Variants in PCDHGA6 observed in about 807,000 individuals in gnomAD.
PCDHGA6 encodes protocadherin gamma subfamily A, 6.
In PCDHGA6, 41 loss-of-function variants were observed where a neutral mutation model predicts 60.6. The ratio of observed to expected loss-of-function variants is 0.68; its 90% CI spans 0.53 to 0.88. The LOEUF (loss-of-function observed/expected upper bound fraction) is 0.88. Among genes scored for constraint, PCDHGA6 ranks in the 40% least tolerant of loss-of-function variants. The probability of loss-of-function intolerance (pLI) is 0.00; values close to 1 mark genes in which losing one functional copy is unlikely to be tolerated. For missense variants in PCDHGA6, 1,312 were observed against 1,203.0 expected, an observed-to-expected ratio of 1.09 and a Z score of -1.34; for synonymous variants, 594 against 524.4, an observed-to-expected ratio of 1.13 and a Z score of -1.81.
rs774682943 is a variant in PCDHGA6 at position 141,493,841 on chromosome 5, T to G, written c.2425-966T>G. Among the ~76,000 whole-genome samples the G allele has an allele frequency of 3.3e-5, 5 of 152,024 alleles. No homozygotes were observed. Among genetic ancestry groups the G allele is most frequent in the Non-Finnish European group, 7.4e-5 (5 of 68,010 alleles). On this transcript the variant is annotated intron_variant, in intron 1 of 3. Transcript: ENST00000517434. This position sits in a 1 kb window ranked among gnomAD's most constrained non-coding sequence, Gnocchi z 4.3. The stretch of plus-strand genomic sequence containing the variant: ...CTCTGCTTCTGGGAGCAAGTATGAG[T>G]ATTAATTACCAGCCCACCCCAGAAC...
chr5:141,408,568 G>A (rs1282391205), intron 1 of PCDHGA6: 2 of 1,613,936 alleles, frequency 1.2e-6, no homozygotes, highest in African/African-American at 2.7e-5. Flanking sequence ...TCATTGTGGT[G>A]ATTGAGGATG....
chr5:141,445,786 C>A (rs1189294394), intron 1 of PCDHGA6, among the ~76,000 whole-genome samples: 2 of 152,018 alleles, frequency 1.3e-5, no homozygotes, highest in Non-Finnish European at 2.9e-5. Flanking sequence ...GCTAGGGAGG[C>A]TAGAAACAGA....
intron 1 of PCDHGA6, among the ~76,000 whole-genome samples, chr5:141,457,755 A>G (rs1011599369): frequency 2.0e-5 from 3 of 152,226 alleles, no homozygotes; most frequent in African/African-American, 4.8e-5. Flanking sequence ...GAGCCCAGAC[A>G]TGGGTTTGTA....
intron 1 of PCDHGA6, chr5:141,413,714 A>T: frequency 6.2e-7 from 1 of 1,613,586 alleles, no homozygotes; most frequent in Non-Finnish European, 8.5e-7. Flanking sequence ...AGCCCCAATA[A>T]GCACTTCTCC....
At chr5:141,434,427 G>A (rs2097693282) in intron 1 of PCDHGA6, among the ~76,000 whole-genome samples, 1 of 152,216 alleles carries the variant, frequency 6.6e-6, no homozygotes, top group African/African-American at 2.4e-5. Context: ...GTTCATGATG[G>A]CCGTAATGCC....
At chr5:141,398,075 A>T in intron 1 of PCDHGA6, 1 of 1,592,106 alleles carries the variant, frequency 6.3e-7, no homozygotes, top group Non-Finnish European at 8.6e-7. Flanking sequence ...TACAGAGGTT[A>T]TTTGTAACCT....
Position 141,491,422 on chromosome 5 carries a change from G to A in PCDHGA6, c.2425-3385G>A. 1 of 1,614,112 alleles carries A rather than the reference G, an allele frequency of 6.2e-7. No individual in the cohort carries two copies. Among genetic ancestry groups the A allele is most frequent in the East Asian group, 2.2e-5 (1 of 44,874 alleles). On this transcript the variant is annotated intron_variant, in intron 1 of 3. Coordinates refer to ENST00000517434, the MANE Select transcript of PCDHGA6 (RefSeq NM_018919.3). The surrounding 1 kb of genome is among the most constrained non-coding windows in gnomAD (Gnocchi z 6.9). The stretch of plus-strand genomic sequence containing the variant: ...AAACGCAGACGGGGACGGGGGTGGA[G>A]GGCAGTGCTGCAGGCGCCAGGACTC...
At chr5:141,414,300 G>T in intron 1 of PCDHGA6, 7 of 1,613,560 alleles carry the variant, frequency 4.3e-6, no homozygotes, top group Non-Finnish European at 5.9e-6. Context: ...TTTTAAATGT[G>T]CATGATTTAG....
rs553860713 is a variant in PCDHGA6, at chr5:141,410,124, G to C, written c.2424+33617G>C. On this transcript the variant is annotated intron_variant, in intron 1 of 3. Coordinates refer to ENST00000517434, the MANE Select transcript of PCDHGA6 (RefSeq NM_018919.3). ...GGCGACAGGGACGCAGCCCGCCAGC[G>C]CCTGCTGGTCGCTGTGCGTGACGGT... is the stretch of plus-strand genomic sequence containing the variant. 1.2e-5 allele frequency: 20 copies of C among 1,612,726 alleles called. No homozygotes were observed. In the South Asian group the frequency reaches 2.2e-4, roughly 18 times the overall value.
At position 141,511,005 on chromosome 5, in the gene PCDHGA6, C is replaced by T; in HGVS notation, c.2631C>T (p.Ala877=). ...GGGAGTMGLS[A]RYGPQFTLQH... The stretch of plus-strand genomic sequence containing the variant: ...GTGCCGGCACCATGGGATTGAGCGC[C>T]CGCTACGGACCCCAGTTCACCCTGC... Residue 877 remains alanine, a synonymous_variant, in exon 4 of 4, where the codon GCC becomes GCT. Coordinates refer to ENST00000517434, the MANE Select transcript of PCDHGA6 (RefSeq NM_018919.3). The T allele has an allele frequency of 6.2e-7, 1 of 1,614,176 alleles. No individual in the cohort carries two copies.
intron 1 of PCDHGA6, among the ~76,000 whole-genome samples, chr5:141,436,150 T>A (rs1270913305): frequency 6.6e-6 from 1 of 152,182 alleles, no homozygotes; most frequent in African/African-American, 2.4e-5. Flanking sequence ...ACTACCAAAA[T>A]GTTTATCATA....
At chr5:141,390,217 T>C (rs373008153) in intron 1 of PCDHGA6, 21 of 1,613,944 alleles carry the variant, frequency 1.3e-5, no homozygotes, top group Non-Finnish European at 1.8e-5. Flanking sequence ...CAAGACATAC[T>C]TTGCGGTGAT....
At chr5:141,394,840 G>GCA (rs2093111243) in intron 1 of PCDHGA6, 1 of 1,613,834 alleles carries the variant, frequency 6.2e-7, no homozygotes. Flanking sequence ...ACCGAGTTGG[G>GCA]CAGTCTGAAG....
chr5:141,376,711 G>A lies in PCDHGA6; in HGVS notation c.2424+204G>A, dbSNP rs1369731526. 2.9e-5 allele frequency: 18 copies of A among 622,360 alleles called. No homozygotes were observed. The South Asian group carries it at 3.6e-4, about 12-fold the overall frequency. 38.6% of individuals were successfully genotyped at this position (622,360 alleles called of 1,614,324 possible). On this transcript the variant is annotated intron_variant, in intron 1 of 3. Coordinates refer to ENST00000517434, the MANE Select transcript of PCDHGA6 (RefSeq NM_018919.3). ...TTTTTTTTTTTTGAGACGGAGTCTC[G>A]CTCTGTCGCCCAGGCCGGACTGCGG...
At chr5:141,383,064 G>A (rs1384491005) in intron 1 of PCDHGA6, 1 of 1,613,928 alleles carries the variant, frequency 6.2e-7, no homozygotes, top group Non-Finnish European at 8.5e-7. Flanking sequence ...TGGGGCTGGA[G>A]CCCCGGGAGC....
At position 141,489,886 on chromosome 5, in the gene PCDHGA6, G is replaced by A; in HGVS notation, c.2425-4921G>A. ...ACATCAGCTGGTGCTTACTGCTGTG[G>A]ATGGGGGGACCCCAGCCCGCTCAGG... is the stretch of plus-strand genomic sequence containing the variant. On this transcript the variant is annotated intron_variant, in intron 1 of 3. Transcript: ENST00000517434. This position sits in a 1 kb window ranked among gnomAD's most constrained non-coding sequence, Gnocchi z 4.5. 6.2e-7 allele frequency: 1 copy of A among 1,614,256 alleles called. No individual in the cohort carries two copies. The highest frequency in any genetic ancestry group is 8.5e-7 in the Non-Finnish European group (1 of 1,180,044).
intron 1 of PCDHGA6, among the ~76,000 whole-genome samples, chr5:141,469,522 C>T (rs1409427974): frequency 2.6e-5 from 4 of 152,088 alleles, no homozygotes; most frequent in African/African-American, 9.7e-5. Flanking sequence ...TTGCAGTGAG[C>T]CAAGATTGTG....
In PCDHGA6 at chr5:141,389,615, G is replaced by A. The variant is rs552257647; in HGVS notation, c.2424+13108G>A. 11 of 1,612,972 alleles carry A rather than the reference G, an allele frequency of 6.8e-6. No individual in the cohort carries two copies. The African/African-American group carries it at 8.0e-5, about 12-fold the overall frequency. On this transcript the variant is annotated intron_variant, in intron 1 of 3. Transcript: ENST00000517434. ...GCTCTGCGCTCTTCGATATGGTGCC[G>A]CACGCTGCAGAGCCTGGCTACTTGG...
intron 1 of PCDHGA6, among the ~76,000 whole-genome samples, chr5:141,451,090 A>G (rs2098706546): frequency 6.6e-6 from 1 of 151,864 alleles, no homozygotes; most frequent in Non-Finnish European, 1.5e-5. Context: ...GACCTCCCAA[A>G]GTGTTGGGAT....
Sources: allele counts gnomAD v4.1 joint callset (sites outside exome capture counted in the v4.1 genomes callset), GRCh38; gene constraint gnomAD v4.1.1; non-coding constraint Gnocchi (gnomAD v3.1); transcripts MANE v1.5; gene names NCBI Gene and HGNC (gene_info 2026-07-23, HGNC 2026-07-21).